The following CNTNAP2 variants were observed in gnomAD, a reference collection of about 807,000 sequenced individuals.
CNTNAP2 encodes the protein contactin associated protein 2.
In CNTNAP2, 98 loss-of-function variants were observed where a neutral mutation model predicts 155.2. That is an observed-to-expected ratio of 0.63 (90% CI 0.54 to 0.75). CNTNAP2 has a LOEUF of 0.75. Ranked by LOEUF, CNTNAP2 falls within the 30% of genes least tolerant of loss-of-function variation. The pLI, the probability that CNTNAP2 is intolerant of heterozygous loss-of-function variation, is 0.00. For missense variants in CNTNAP2, 1,727 were observed against 1,688.1 expected (o/e 1.02, Z -0.40); for synonymous variants, 651 against 631.2 (o/e 1.03, Z -0.47).
chr7:147,269,936 C>G (rs111953027), intron 8 of CNTNAP2, among the ~76,000 whole-genome samples: 1 of 152,042 alleles, frequency 6.6e-6, no homozygotes, highest in Non-Finnish European at 1.5e-5. Context: ...GTGGCGTGCT[C>G]CTATAGTCCC....
chr7:147,121,719 C>T (rs1801115428), intron 6 of CNTNAP2: 1 of 152,292 alleles, frequency 6.6e-6, no homozygotes, highest in Non-Finnish European at 1.5e-5. Flanking sequence ...ATATTACCTT[C>T]TCAATAATTA....
At chr7:148,414,945 AT>A (rs1330777986) in intron 23 of CNTNAP2, 1 of 228,020 alleles carries the variant, frequency 4.4e-6, no homozygotes, top group African/African-American at 2.3e-5. Flanking sequence ...TTATGTGCAG[AT>A]TATTAGGGTT....
At chr7:147,636,125 A>G (rs73470987) in intron 12 of CNTNAP2, among the ~76,000 whole-genome samples, 13,685 of 152,264 alleles carry the variant, frequency 0.09, 1,709 homozygotes, top group African/African-American at 0.26. Flanking sequence ...GCTTATCAGA[A>G]GAACTAAAGG....
chr7:146,748,189 A>T (rs1453119495), intron 1 of CNTNAP2, among the ~76,000 whole-genome samples: 1 of 122,296 alleles, frequency 8.2e-6, no homozygotes, highest in Non-Finnish European at 1.6e-5. Flanking sequence ...TCTGTCACCC[A>T]GGCTGGAGTA....
intron 1 of CNTNAP2, among the ~76,000 whole-genome samples, chr7:146,633,774 G>C (rs1428145014): frequency 7.2e-6 from 1 of 139,846 alleles, no homozygotes; most frequent in Middle Eastern, 3.9e-3. Context: ...AGTCTGCAGT[G>C]AGCTTAGATC....
At chr7:146,721,250 TCTCTATATA>T (rs1801298200) in intron 1 of CNTNAP2, among the ~76,000 whole-genome samples, 1 of 133,072 alleles carries the variant, frequency 7.5e-6, no homozygotes, top group South Asian at 2.4e-4. Context: ...CTCTCTATAT[TCTCTATATA>T]CTCTCTATAT....
At chr7:146,128,350 C>A (rs1480559248) in intron 1 of CNTNAP2, among the ~76,000 whole-genome samples, 1 of 152,168 alleles carries the variant, frequency 6.6e-6, no homozygotes, top group Admixed American at 6.5e-5. Flanking sequence ...CATTTTAAAG[C>A]TCACTGGTTC....
At chr7:146,966,851 A>G (rs1166257373) in intron 3 of CNTNAP2, among the ~76,000 whole-genome samples, 1 of 152,234 alleles carries the variant, frequency 6.6e-6, no homozygotes, top group Non-Finnish European at 1.5e-5. Context: ...AATCTATTGT[A>G]TACTAAATAG....
chr7:148,400,633 TTTAAA>T (rs1799562038), intron 22 of CNTNAP2, among the ~76,000 whole-genome samples: 1 of 152,192 alleles, frequency 6.6e-6, no homozygotes, highest in Non-Finnish European at 1.5e-5. Context: ...TCCCATATAC[TTTAAA>T]TTGTCTCTTG....
Position 147,059,513 on chromosome 7 carries a change from C to G in CNTNAP2, c.550+15459C>G, listed in dbSNP as rs142362633. Among the ~76,000 whole-genome samples the G allele has an allele frequency of 1.5e-3, 220 of 149,746 alleles. 1 individual carries two copies. The highest frequency in any genetic ancestry group is 5.1e-3 in the African/African-American group (208 of 40,762). On this transcript the variant is annotated intron_variant, in intron 4 of 23. Transcript: ENST00000361727. ...CCAATTGTACAATGGGTTCACCTTACAAAATTAAGTATAGTACTATCCCCA... is the reference window on the plus strand; with the variant it reads ...CCAATTGTACAATGGGTTCACCTTAGAAAATTAAGTATAGTACTATCCCCA...
intron 2 of CNTNAP2, among the ~76,000 whole-genome samples, chr7:146,814,784 T>C (rs1017048432): frequency 6.6e-6 from 1 of 152,160 alleles, no homozygotes; most frequent in African/African-American, 2.4e-5. Context: ...AAATACAGTG[T>C]ATTAGGTATG....
intron 1 of CNTNAP2, among the ~76,000 whole-genome samples, chr7:146,407,939 G>T (rs925789736): frequency 1.3e-5 from 2 of 151,898 alleles, no homozygotes; most frequent in African/African-American, 4.8e-5. Context: ...TATTTTCTTT[G>T]TTTTAGCTTA....
intron 4 of CNTNAP2, among the ~76,000 whole-genome samples, chr7:147,063,850 A>T (rs916781578): frequency 2.6e-5 from 4 of 152,196 alleles, no homozygotes; most frequent in African/African-American, 9.6e-5. Context: ...TATAAAAAAT[A>T]TAAAAGCAGT....
intron 13 of CNTNAP2, among the ~76,000 whole-genome samples, chr7:147,772,438 C>G (rs1797485444): frequency 9.9e-6 from 1 of 100,654 alleles, no homozygotes; most frequent in Non-Finnish European, 1.9e-5. Flanking sequence ...ATATTATTCT[C>G]TCTCTCGCTA....
At chr7:146,203,926 G>A (rs7779760) in intron 1 of CNTNAP2, among the ~76,000 whole-genome samples, 44,236 of 151,932 alleles carry the variant, frequency 0.29, 7,321 homozygotes, top group African/African-American at 0.45. Flanking sequence ...TGAAAGCATA[G>A]TTGTGATTTT....
chr7:146,415,090 T>C (rs1563075348), intron 1 of CNTNAP2, among the ~76,000 whole-genome samples: 2 of 152,286 alleles, frequency 1.3e-5, no homozygotes, highest in East Asian at 3.9e-4. Flanking sequence ...CAAGTTAGCT[T>C]GTAACAGTGC....
chr7:146,135,725 A>T (rs1563135780), intron 1 of CNTNAP2, among the ~76,000 whole-genome samples: 1 of 147,288 alleles, frequency 6.8e-6, no homozygotes. Flanking sequence ...CTTCCAGGAC[A>T]TACAGGTTTC....
intron 21 of CNTNAP2, among the ~76,000 whole-genome samples, chr7:148,297,815 T>C (rs1419014853): frequency 1.3e-5 from 2 of 151,994 alleles, no homozygotes; most frequent in African/African-American, 4.8e-5. Flanking sequence ...TCTCATGGAG[T>C]GACCTCTTCT....
At chr7:146,556,446 G>A (rs571994749) in intron 1 of CNTNAP2, among the ~76,000 whole-genome samples, 15 of 152,204 alleles carry the variant, frequency 9.9e-5, no homozygotes, top group African/African-American at 2.4e-4. Flanking sequence ...ATAACATAAC[G>A]CATGTAAATC....
Sources: allele counts gnomAD v4.1 joint callset (sites outside exome capture counted in the v4.1 genomes callset), GRCh38; gene constraint gnomAD v4.1.1; transcripts MANE v1.5; gene names NCBI Gene and HGNC (gene_info 2026-07-23, HGNC 2026-07-21).